The following ERBB4 variants were observed in gnomAD, a reference collection of about 807,000 sequenced individuals.
ERBB4 encodes the protein receptor tyrosine-protein kinase erbB-4.
In ERBB4, 42 loss-of-function variants were observed where a neutral mutation model predicts 158.0. That is an observed-to-expected ratio of 0.27 (90% CI 0.21 to 0.34). The LOEUF (loss-of-function observed/expected upper bound fraction) is 0.34, where lower values mean the gene tolerates loss of function less well. Among genes scored for constraint, ERBB4 ranks in the 10% least tolerant of loss-of-function variants. The pLI, the probability that ERBB4 is intolerant of heterozygous loss-of-function variation, is 1.00. For missense variants in ERBB4, 1,333 were observed against 1,624.1 expected (o/e 0.82, Z 3.08); for synonymous variants, 583 against 558.7 (o/e 1.04, Z -0.61).
At chr2:211,882,872 A>T (rs745305565) in intron 3 of ERBB4, among the ~76,000 whole-genome samples, 4 of 152,192 alleles carry the variant, frequency 2.6e-5, no homozygotes, top group Non-Finnish European at 5.9e-5. Context: ...CACTCAATCC[A>T]TATCTATTAC....
At chr2:211,669,216 CAAAAAAA>C (rs71054124) in intron 14 of ERBB4, among the ~76,000 whole-genome samples, 11 of 56,110 alleles carry the variant, frequency 2.0e-4, no homozygotes, top group Non-Finnish European at 3.8e-4. Flanking sequence ...GAGTGAGTCT[CAAAAAAA>C]AAAAAAAAAA....
intron 25 of ERBB4, among the ~76,000 whole-genome samples, chr2:211,407,332 TCTAA>T (rs1253705996): frequency 2.6e-5 from 4 of 152,230 alleles, no homozygotes; most frequent in East Asian, 3.9e-4. Flanking sequence ...AATACCGGAC[TCTAA>T]CTAAGAAGAG....
At chr2:212,049,055 C>A (rs2077332310) in intron 2 of ERBB4, among the ~76,000 whole-genome samples, 1 of 152,146 alleles carries the variant, frequency 6.6e-6, no homozygotes, top group South Asian at 2.1e-4. Context: ...AGACTCATGA[C>A]CAAATGAAAA....
At chr2:212,498,029 CTAATA>C (rs1363530013) in intron 1 of ERBB4, among the ~76,000 whole-genome samples, 1 of 151,998 alleles carries the variant, frequency 6.6e-6, no homozygotes, top group Non-Finnish European at 1.5e-5. Flanking sequence ...TATTGCTTCC[CTAATA>C]TATTTTATTT....
chr2:211,428,657 T>C (rs977783303), intron 21 of ERBB4, among the ~76,000 whole-genome samples, 174 bp from the exon 22 acceptor site: 1 of 151,926 alleles, frequency 6.6e-6, no homozygotes, highest in Non-Finnish European at 1.5e-5. Flanking sequence ...TATAAATATA[T>C]GTTAATTTAT....
chr2:211,787,511 A>G (rs1407771504), intron 4 of ERBB4, among the ~76,000 whole-genome samples: 2 of 152,330 alleles, frequency 1.3e-5, no homozygotes, highest in African/African-American at 2.4e-5. Context: ...TATGAAATCT[A>G]TATTTCTCCA....
intron 2 of ERBB4, among the ~76,000 whole-genome samples, chr2:211,984,660 A>G (rs2081892358): frequency 6.6e-6 from 1 of 152,218 alleles, no homozygotes; most frequent in African/African-American, 2.4e-5. Flanking sequence ...CCAAAAAAAA[A>G]TGAAGAATAA....
chr2:211,776,156 G>T (rs2075869824), intron 4 of ERBB4, among the ~76,000 whole-genome samples: 1 of 151,974 alleles, frequency 6.6e-6, no homozygotes, highest in Non-Finnish European at 1.5e-5. Flanking sequence ...GTGTCTTCAG[G>T]GTATTAAAGC....
At chr2:211,889,309 G>T (rs1236462929) in intron 3 of ERBB4, among the ~76,000 whole-genome samples, 1 of 144,790 alleles carries the variant, frequency 6.9e-6, no homozygotes, top group African/African-American at 2.7e-5. Context: ...CACACGGCAG[G>T]GTATTCCAAC....
chr2:212,223,700 T>TA lies in ERBB4; in HGVS notation c.83-98798dup, dbSNP rs573706929. ...CTTTCTAGCTTTCCCCTTAAGACTT[T>TA]AAAAAATTGTTATTTACTCTCTTCT... On this transcript the variant is annotated intron_variant, in intron 1 of 27. Transcript: ENST00000342788. 7.3e-4 allele frequency among the ~76,000 whole-genome samples: 111 copies of TA among 151,764 alleles called. 1 individual carries two copies. Among genetic ancestry groups the TA allele is most frequent in the African/African-American group, 2.4e-3 (98 of 41,518 alleles).
At position 211,382,692 on chromosome 2, in the gene ERBB4, C is replaced by G; in HGVS notation, c.*923G>C. 4.3e-6 allele frequency: 1 copy of G among 232,280 alleles called. No homozygotes were observed. Among genetic ancestry groups the G allele is most frequent in the East Asian group, 6.1e-5 (1 of 16,458 alleles). The allele number at this position is 232,280 out of a possible 1,614,324, so 14.4% of individuals were successfully genotyped here. On this transcript the variant is annotated 3_prime_UTR_variant, in exon 28 of 28. Transcript: ENST00000342788. ...GTTTCCCTTCTACTCTTCAGACAAC[C>G]AACGGCCTATCAAGTAGTGTCATTT...
intron 20 of ERBB4, among the ~76,000 whole-genome samples, chr2:211,526,957 C>T (rs2066365526): frequency 6.6e-6 from 1 of 151,860 alleles, no homozygotes; most frequent in Non-Finnish European, 1.5e-5. Context: ...TAGAAAATAG[C>T]CTCAGAAGTG....
intron 2 of ERBB4, among the ~76,000 whole-genome samples, chr2:212,060,330 G>A (rs891841206): frequency 4.6e-5 from 7 of 151,708 alleles, no homozygotes; most frequent in African/African-American, 1.2e-4. Context: ...GAGAGGATGT[G>A]GAGAAATAGG....
intron 1 of ERBB4, among the ~76,000 whole-genome samples, chr2:212,427,390 G>C (rs1218757921): frequency 6.6e-6 from 1 of 152,120 alleles, no homozygotes; most frequent in Non-Finnish European, 1.5e-5. Flanking sequence ...CATTATGCTA[G>C]TTTTAAACGT....
At chr2:212,203,257 A>G (rs1184497970) in intron 1 of ERBB4, among the ~76,000 whole-genome samples, 5 of 152,130 alleles carry the variant, frequency 3.3e-5, no homozygotes, top group African/African-American at 7.2e-5. Context: ...TTTGAGTAAA[A>G]ACCTAAAACC....
intron 1 of ERBB4, among the ~76,000 whole-genome samples, chr2:212,430,471 C>T (rs1050632236): frequency 5.3e-5 from 8 of 150,512 alleles, no homozygotes; most frequent in Non-Finnish European, 5.9e-5. Flanking sequence ...AATGAAGTCT[C>T]GCTTTGTTGC....
intron 1 of ERBB4, among the ~76,000 whole-genome samples, chr2:212,464,993 T>C (rs1688760603): frequency 6.6e-6 from 1 of 151,612 alleles, no homozygotes; most frequent in Non-Finnish European, 1.5e-5. Context: ...AATACAACGA[T>C]AGTAAAACTC....
chr2:211,711,761 G>A (rs2073708517), intron 9 of ERBB4, among the ~76,000 whole-genome samples: 1 of 152,122 alleles, frequency 6.6e-6, no homozygotes, highest in South Asian at 2.1e-4. Context: ...CTAAAAATAA[G>A]TCAAGCTTGC....
chr2:211,470,417 T>A (rs1054203584), intron 20 of ERBB4, among the ~76,000 whole-genome samples: 5 of 152,096 alleles, frequency 3.3e-5, no homozygotes, highest in African/African-American at 1.2e-4. Context: ...AGAACAGTTG[T>A]TTTCACATAA....
Sources: allele counts gnomAD v4.1 joint callset (sites outside exome capture counted in the v4.1 genomes callset), GRCh38; gene constraint gnomAD v4.1.1; transcripts MANE v1.5; gene names NCBI Gene and HGNC (gene_info 2026-07-23, HGNC 2026-07-21).